ZMYND8: variants seen among roughly 807,000 people sequenced by gnomAD.
The protein encoded by ZMYND8 is zinc finger MYND-type containing 8, also known as MYND-type zinc finger-containing chromatin reader ZMYND8.
A neutral mutation model predicts 140.8 loss-of-function variants in ZMYND8; 37 were observed. That is an observed-to-expected ratio of 0.26 (90% CI 0.20 to 0.35). ZMYND8 has a LOEUF of 0.35. Among genes scored for constraint, ZMYND8 ranks in the 10% least tolerant of loss-of-function variants. The pLI is 1.00. For missense variants in ZMYND8, 1,068 were observed against 1,570.0 expected, an observed-to-expected ratio of 0.68 and a Z score of 5.40; for synonymous variants, 592 against 597.1, an observed-to-expected ratio of 0.99 and a Z score of 0.12.
intron 22 of ZMYND8, 97 bp from the exon 23 acceptor site, chr20:47,210,994 C>T (rs1309995143): frequency 1.3e-6 from 2 of 1,503,350 alleles, no homozygotes; most frequent in Non-Finnish European, 1.8e-6. Context: ...CAGGAAACCA[C>T]CTTCCCCTCC....
chr20:47,266,150 C>T (rs2075505633), intron 11 of ZMYND8, among the ~76,000 whole-genome samples: 1 of 152,206 alleles, frequency 6.6e-6, no homozygotes, highest in Non-Finnish European at 1.5e-5. Context: ...CCTAGTGCCA[C>T]CAATCCTACC....
rs543295595 is a variant in ZMYND8, at chr20:47,302,380, C to T, written c.235-3433G>A. 6.6e-5 allele frequency among the ~76,000 whole-genome samples: 10 copies of T among 152,218 alleles called. No individual in the cohort carries two copies. In the South Asian group the frequency reaches 8.3e-4, roughly 13 times the overall value. On this transcript the variant is annotated intron_variant, in intron 3 of 22. Transcript: ENST00000471951. ...ACTCAGGAGGCTGAGGCAGGAGAAT[C>T]GCTTCAACTCAGGTTGCAGTGAGCC...
chr20:47,249,123 C>A (rs2073965393), intron 13 of ZMYND8, among the ~76,000 whole-genome samples, 164 bp downstream of exon 13: 1 of 152,160 alleles, frequency 6.6e-6, no homozygotes, highest in African/African-American at 2.4e-5. Flanking sequence ...AGTCTGAAGT[C>A]TTTTGCCATG....
intron 2 of ZMYND8, among the ~76,000 whole-genome samples, chr20:47,347,020 C>G (rs1437970602): frequency 2.6e-5 from 4 of 152,330 alleles, no homozygotes; most frequent in Non-Finnish European, 4.4e-5. Context: ...TATGCAGTAA[C>G]CCTGTCCAGC....
chr20:47,343,639 G>A (rs1602117519), intron 2 of ZMYND8, among the ~76,000 whole-genome samples: 2 of 152,118 alleles, frequency 1.3e-5, no homozygotes, highest in African/African-American at 2.4e-5. Flanking sequence ...AGTCTCCCAA[G>A]TAGCTGGGAT....
chr20:47,296,387 A>G (rs774626261), intron 4 of ZMYND8, among the ~76,000 whole-genome samples: 2 of 152,158 alleles, frequency 1.3e-5, no homozygotes, highest in Non-Finnish European at 2.9e-5. Context: ...CCAGGGGCAA[A>G]TCAGCTGGGG....
In ZMYND8 at chr20:47,305,540, C is replaced by A. The variant is rs185899580; in HGVS notation, c.234+4516G>T. Among the ~76,000 whole-genome samples, 5 of 149,828 alleles carry A rather than the reference C, an allele frequency of 3.3e-5. No individual in the cohort carries two copies. The East Asian group carries it at 9.7e-4, about 29-fold the overall frequency. On this transcript the variant is annotated intron_variant, in intron 3 of 22. Transcript: ENST00000471951. ...ACAGGCATGAGCCACCAGGCCTGGG[C>A]CTGCAAAGCCTTGTTTCTTTCAAAA...
chr20:47,327,963 T>C (rs1024794752), intron 2 of ZMYND8, among the ~76,000 whole-genome samples: 19 of 152,186 alleles, frequency 1.2e-4, no homozygotes, highest in South Asian at 4.1e-4. Context: ...TACAGGTGCA[T>C]GCCACCAAGC....
intron 13 of ZMYND8, 112 bp from the exon 14 acceptor site, chr20:47,246,629 A>T: frequency 7.0e-7 from 1 of 1,426,776 alleles, no homozygotes; most frequent in Non-Finnish European, 9.2e-7. Flanking sequence ...GCACGTTTCA[A>T]ATCGCATCAC....
At chr20:47,226,742 C>T (rs997728619) in intron 18 of ZMYND8, among the ~76,000 whole-genome samples, 1 of 152,208 alleles carries the variant, frequency 6.6e-6, no homozygotes, top group African/African-American at 2.4e-5. Context: ...GCACTGCAGC[C>T]TTAACTTCTC....
chr20:47,355,454 C>T, intron 1 of ZMYND8: 2 of 985,446 alleles, frequency 2.0e-6, no homozygotes, highest in African/African-American at 1.7e-5. Context: ...ACTTACCCAA[C>T]AAATGTTCAA....
chr20:47,249,509 A>G, intron 12 of ZMYND8, 70 bp from the exon 13 acceptor site: 1 of 1,567,096 alleles, frequency 6.4e-7, no homozygotes, highest in Admixed American at 1.9e-5. Flanking sequence ...TCGTCCTTGC[A>G]AAGTCAGAGC....
At chr20:47,306,160 G>A (rs2078463527) in intron 3 of ZMYND8, among the ~76,000 whole-genome samples, 1 of 152,186 alleles carries the variant, frequency 6.6e-6, no homozygotes, top group African/African-American at 2.4e-5. Flanking sequence ...GGTTGAAGCA[G>A]GAGAATCACT....
chr20:47,231,643 C>G (rs2038498287), intron 16 of ZMYND8, among the ~76,000 whole-genome samples: 2 of 152,220 alleles, frequency 1.3e-5, no homozygotes, highest in African/African-American at 4.8e-5. Context: ...AATAAAATCT[C>G]TGTTGAGATT....
chr20:47,218,243 C>A (rs767360611), intron 21 of ZMYND8, among the ~76,000 whole-genome samples: 21 of 152,296 alleles, frequency 1.4e-4, no homozygotes, highest in Non-Finnish European at 2.2e-4. Flanking sequence ...TGCCAACAGA[C>A]TCCTGCCAGA....
intron 4 of ZMYND8, among the ~76,000 whole-genome samples, chr20:47,295,249 C>T (rs988657696): frequency 2.0e-5 from 3 of 152,062 alleles, no homozygotes; most frequent in Non-Finnish European, 4.4e-5. Context: ...AAAAACTAGC[C>T]AGGCATGGTG....
chr20:47,282,012 A>G, intron 10 of ZMYND8, 90 bp downstream of exon 10: 1 of 1,052,658 alleles, frequency 9.5e-7, no homozygotes, highest in South Asian at 1.6e-5. Context: ...AATGAGAATA[A>G]TAGCTGCAGC....
chr20:47,324,415 A>C (rs1180417532), intron 2 of ZMYND8, among the ~76,000 whole-genome samples: 1 of 149,212 alleles, frequency 6.7e-6, no homozygotes, highest in African/African-American at 2.5e-5. Context: ...CCTACTCGGG[A>C]GGCTGAGGCA....
intron 2 of ZMYND8, among the ~76,000 whole-genome samples, chr20:47,310,804 A>C (rs942335509): frequency 1.3e-4 from 19 of 151,614 alleles, no homozygotes; most frequent in African/African-American, 4.4e-4. Context: ...AAAAAAAAAA[A>C]AAACAGATTA....
Sources: gnomAD v4.1 joint callset for allele counts (sites outside exome capture counted in the v4.1 genomes callset) on GRCh38, gnomAD v4.1.1 for gene constraint, MANE v1.5 for transcripts, NCBI Gene and HGNC (gene_info 2026-07-23, HGNC 2026-07-21) for gene names.